FLRT3: variants seen among roughly 807,000 people sequenced by gnomAD.
FLRT3 encodes fibronectin leucine rich transmembrane protein 3.
Under a neutral mutation model 42.6 loss-of-function variants are expected in FLRT3, and 17 were observed. That is an observed-to-expected ratio of 0.40 (90% confidence interval 0.27 to 0.60). The LOEUF (loss-of-function observed/expected upper bound fraction) is 0.60. Ranked by LOEUF, FLRT3 falls within the 20% of genes least tolerant of loss-of-function variation. The probability of loss-of-function intolerance (pLI) is 0.44; values close to 1 mark genes in which losing one functional copy is unlikely to be tolerated. For synonymous variants in FLRT3, 279 were observed against 286.4 expected, an observed-to-expected ratio of 0.97 and a Z score of 0.26; for missense variants, 635 against 789.2, an observed-to-expected ratio of 0.80 and a Z score of 2.34.
Position 14,325,439 on chromosome 20 carries a change from G to T in FLRT3, c.*118C>A. The stretch of plus-strand genomic sequence containing the variant: ...ATATAAATTATATGGCAAATGTACA[G>T]TACATTGCTTTTTTTCAGTCTCTTT... On this transcript the variant is annotated 3_prime_UTR_variant, in exon 3 of 3. Transcript: ENST00000341420. 9.2e-7 allele frequency: 1 copy of T among 1,081,300 alleles called. No homozygotes were observed. The highest frequency in any genetic ancestry group is 1.3e-6 in the Non-Finnish European group (1 of 749,386). The allele number at this position is 1,081,300 out of a possible 1,614,324, so 67.0% of individuals were successfully genotyped here.
intron 2 of FLRT3, 186 bp downstream of exon 2, chr20:14,328,948 C>T (rs2082784797): frequency 6.6e-6 from 1 of 151,774 alleles, no homozygotes; most frequent in Admixed American, 6.6e-5. Context: ...CTTTGAAATT[C>T]TTATTGGCTC....
chr20:14,326,619 A>G lies in FLRT3; in HGVS notation c.888T>C (p.Asn296=). 1 of 1,613,868 alleles carries G rather than the reference A, an allele frequency of 6.2e-7. No homozygotes were observed. Among genetic ancestry groups the G allele is most frequent in the Non-Finnish European group, 8.5e-7 (1 of 1,179,844 alleles). The change falls in exon 3 of 3, where the codon AAT becomes AAC. Residue 296 remains asparagine, a synonymous_variant. Transcript: ENST00000341420. This position sits in a 1 kb window ranked among gnomAD's most constrained non-coding sequence, Gnocchi z 5.5. ...TGTTGCGAAGAATCAGTTGTGTTAT[A>G]TTGTCCAAATCATCAAAGATACCCT... ...LPQGIFDDLD[N]ITQLILRNNP...
In FLRT3 at chr20:14,324,633, C is replaced by A. The variant is rs1302410536; in HGVS notation, c.*924G>T. ...AATATGCATAAAGTTTCTCTGACAT[C>A]CTTTATGATAAAAACATCATAAACA... is the stretch of plus-strand genomic sequence containing the variant. On this transcript the variant is annotated 3_prime_UTR_variant, in exon 3 of 3. Coordinates refer to ENST00000341420, the MANE Select transcript of FLRT3 (RefSeq NM_198391.3). 2.0e-5 allele frequency: 3 copies of A among 152,028 alleles called. No homozygotes were observed. The allele number at this position is 152,028 out of a possible 1,614,324, so 9.4% of individuals were successfully genotyped here. A position where few individuals can be genotyped will look rare whatever the true frequency, so the allele number is the denominator to read the frequency against.
chr20:14,332,184 T>G (rs2082854930), intron 1 of FLRT3, among the ~76,000 whole-genome samples: 1 of 152,124 alleles, frequency 6.6e-6, no homozygotes, highest in African/African-American at 2.4e-5. Flanking sequence ...TCAGTTTATT[T>G]TTACAAATAA....
rs1264471510 is a variant in FLRT3, at chr20:14,325,557, T to G, written c.1950A>C (p.Ter650CysextTer2). ...GIPDSDHSHS[*>C] Reference sequence around the variant, plus strand: ...CAAGTCTGCTGTGAGTCCTTCAGCATCATGAGTGTGAGTGATCTGAGTCTG... The same window carrying G: ...CAAGTCTGCTGTGAGTCCTTCAGCAGCATGAGTGTGAGTGATCTGAGTCTG... The change falls in exon 3 of 3, where the codon TGA (stop) becomes TGC (cysteine). Residue 650 changes from the stop codon to cysteine (C), a stop_lost. Coordinates refer to ENST00000341420, the MANE Select transcript of FLRT3 (RefSeq NM_198391.3). The G allele has an allele frequency of 6.2e-7, 1 of 1,606,604 alleles. No homozygotes were observed. Among genetic ancestry groups the G allele is most frequent in the Admixed American group, 1.7e-5 (1 of 59,656 alleles).
rs1301343308 is a variant in FLRT3 at position 14,326,136 on chromosome 20, T to C, written c.1371A>G (p.Val457=). The C allele has an allele frequency of 6.2e-7, 1 of 1,613,898 alleles. No homozygotes were observed. Among genetic ancestry groups the C allele is most frequent in the African/African-American group, 1.3e-5 (1 of 75,036 alleles). Residue 457 remains valine, a synonymous_variant, in exon 3 of 3, where the codon GTA becomes GTG. Transcript: ENST00000341420. This position sits in a 1 kb window ranked among gnomAD's most constrained non-coding sequence, Gnocchi z 5.5. Reference sequence around the variant, plus strand: ...CCAAGTACTCACTGCGTTCCCCTGTTACAATTGTTTCTGTTATAGATCCAA... The same window carrying C: ...CCAAGTACTCACTGCGTTCCCCTGTCACAATTGTTTCTGTTATAGATCCAA... The part of the protein sequence containing the change: ...PAFGSITETI[V]TGERSEYLVT...
At chr20:14,330,104 T>A (rs1298819689) in intron 1 of FLRT3, among the ~76,000 whole-genome samples, 1 of 152,068 alleles carries the variant, frequency 6.6e-6, no homozygotes, top group African/African-American at 2.4e-5. Flanking sequence ...GTAGTGACCA[T>A]TAGGAAAGCA....
rs188692072 is a variant in FLRT3 at position 14,337,529 on chromosome 20, G to A, written c.-372C>T. 387 of 398,550 alleles carry A rather than the reference G, an allele frequency of 9.7e-4. No individual in the cohort carries two copies. The highest frequency in any genetic ancestry group is 6.9e-3 in the African/African-American group (335 of 48,724). The allele number at this position is 398,550 out of a possible 1,614,324, so 24.7% of individuals were successfully genotyped here. A position where few individuals can be genotyped will look rare whatever the true frequency, so the allele number is the denominator to read the frequency against. ...TGCGTCCAGTCCACACAAAGCCCACGGCAGCTGCAGGCTGAGCTTGTCCTG... is the reference window on the plus strand; with the variant it reads ...TGCGTCCAGTCCACACAAAGCCCACAGCAGCTGCAGGCTGAGCTTGTCCTG... On this transcript the variant is annotated 5_prime_UTR_variant, in exon 1 of 3. Coordinates refer to ENST00000341420, the MANE Select transcript of FLRT3 (RefSeq NM_198391.3).
chr20:14,331,645 A>G (rs1417388544), intron 1 of FLRT3, among the ~76,000 whole-genome samples: 1 of 152,140 alleles, frequency 6.6e-6, no homozygotes, highest in African/African-American at 2.4e-5. Flanking sequence ...GTTCATGTTT[A>G]ACTACGTTTT....
At chr20:14,330,494 G>A (rs1280590778) in intron 1 of FLRT3, among the ~76,000 whole-genome samples, 1 of 152,036 alleles carries the variant, frequency 6.6e-6, no homozygotes, top group Non-Finnish European at 1.5e-5. Flanking sequence ...TCTGCTGAAC[G>A]AGTATGTTAA....
rs1300059378 is a variant in FLRT3, at chr20:14,334,930, G to A, written c.-247+2474C>T. Among the ~76,000 whole-genome samples the A allele has an allele frequency of 2.0e-5, 3 of 151,992 alleles. No individual in the cohort carries two copies. In the East Asian group the frequency reaches 5.8e-4, roughly 29 times the overall value. ...TATAGCCCACCCACCTTAAAAAGAG[G>A]CATAGAAGTTAAGAAATGACTGAAA... On this transcript the variant is annotated intron_variant, in intron 1 of 2. Transcript: ENST00000341420.
chr20:14,335,405 A>T (rs1374085039), intron 1 of FLRT3, among the ~76,000 whole-genome samples: 1 of 152,236 alleles, frequency 6.6e-6, no homozygotes, highest in Non-Finnish European at 1.5e-5. Context: ...ACACTGCTTC[A>T]TTTAGCTCTG....
At chr20:14,337,182 C>A (rs912019116) in intron 1 of FLRT3, among the ~76,000 whole-genome samples, 5 of 152,196 alleles carry the variant, frequency 3.3e-5, no homozygotes, top group Non-Finnish European at 7.3e-5. Context: ...TAGCCACTTA[C>A]TATCTTTTAT....
At chr20:14,335,394 C>G (rs1316903394) in intron 1 of FLRT3, among the ~76,000 whole-genome samples, 1 of 152,204 alleles carries the variant, frequency 6.6e-6, no homozygotes, top group Non-Finnish European at 1.5e-5. Context: ...AAATTTATTT[C>G]ACACTGCTTC....
rs1298807846 is a variant in FLRT3 at position 14,325,958 on chromosome 20, G to A, written c.1549C>T (p.Gln517Ter). 2 of 1,613,736 alleles carry A rather than the reference G, an allele frequency of 1.2e-6. No homozygotes were observed. Residue 517 changes from glutamine to a stop codon, truncating the protein, a stop_gained, in exon 3 of 3, where the codon CAA (glutamine) becomes TAA (stop). Coordinates refer to ENST00000341420, the MANE Select transcript of FLRT3 (RefSeq NM_198391.3). LOFTEE classifies it high-confidence loss of function. ...YNPTTTLNRE[Q>*]EKEPYKNPNL... ...GGGTTTTTGTAAGGTTCTTTCTCTT[G>A]CTCTCGATTGAGGGTGGTTGTAGGG... is the stretch of plus-strand genomic sequence containing the variant.
rs1004472151 is a variant in FLRT3 at position 14,325,802 on chromosome 20, T to C, written c.1705A>G (p.Arg569Gly). Residue 569 changes from arginine (R) to glycine (G), a missense_variant, in exon 3 of 3, where the codon AGG becomes GGG. Coordinates refer to ENST00000341420, the MANE Select transcript of FLRT3 (RefSeq NM_198391.3). ...TCTGCATAGTCATCCTTTCTTCTCC[T>C]CCCTTTGCTATATGCACAGTTCCTT... Reference protein sequence around the residue: ...FSRNCAYSKGRRRKDDYAEAG... With the variant: ...FSRNCAYSKGGRRKDDYAEAG... 3.7e-6 allele frequency: 6 copies of C among 1,613,790 alleles called. No homozygotes were observed. The African/African-American group carries it at 8.0e-5, about 22-fold the overall frequency.
chr20:14,334,805 T>G (rs901688565), intron 1 of FLRT3, among the ~76,000 whole-genome samples: 29 of 151,992 alleles, frequency 1.9e-4, no homozygotes, highest in African/African-American at 7.0e-4. Context: ...CTTTTTTTTT[T>G]TAAATAAATG....
In FLRT3 at chr20:14,323,037, AG is replaced by A. The variant is rs1449442805; in HGVS notation, c.*2519del. 2.0e-5 allele frequency: 3 copies of A among 152,328 alleles called. No individual in the cohort carries two copies. The allele number at this position is 152,328 out of a possible 1,614,324, so 9.4% of individuals were successfully genotyped here. ...CTCATTCAACAATAATCAACATAGA[AG>A]ACTTGTCTTAACAAGTTTTGCCCCA... is the stretch of plus-strand genomic sequence containing the variant. On this transcript the variant is annotated 3_prime_UTR_variant, in exon 3 of 3. Coordinates refer to ENST00000341420, the MANE Select transcript of FLRT3 (RefSeq NM_198391.3).
Position 14,325,824 on chromosome 20 carries a change from C to T in FLRT3, c.1683G>A (p.Arg561=), listed in dbSNP as rs776951395. 1.9e-6 allele frequency: 3 copies of T among 1,613,886 alleles called. No individual in the cohort carries two copies. Among genetic ancestry groups the T allele is most frequent in the Admixed American group, 1.7e-5 (1 of 59,984 alleles). ...TCCTCCCTTTGCTATATGCACAGTT[C>T]CTTGAGAAGAGCGATCCATTCCTAT... The part of the protein sequence containing the change: ...YVHRNGSLFS[R]NCAYSKGRRR... The change falls in exon 3 of 3, where the codon AGG becomes AGA. Residue 561 remains arginine (R), a synonymous_variant. Transcript: ENST00000341420.
Sources: allele counts gnomAD v4.1 joint callset (sites outside exome capture counted in the v4.1 genomes callset), GRCh38; gene constraint gnomAD v4.1.1; non-coding constraint Gnocchi (gnomAD v3.1); transcripts MANE v1.5; gene names NCBI Gene and HGNC (gene_info 2026-07-23, HGNC 2026-07-21).